The following NAPRT variants were observed in gnomAD, a reference collection of about 807,000 sequenced individuals.
NAPRT encodes nicotinate phosphoribosyltransferase.
In NAPRT, 66 loss-of-function variants were observed where a neutral mutation model predicts 60.7. That is an observed-to-expected ratio of 1.09 (90% CI 0.89 to 1.33). The LOEUF (loss-of-function observed/expected upper bound fraction) is 1.33, where lower values mean the gene tolerates loss of function less well. Among genes scored for constraint, NAPRT ranks in the 40% most tolerant of loss-of-function variants. The probability of loss-of-function intolerance (pLI) is 0.00; values close to 1 mark genes in which losing one functional copy is unlikely to be tolerated. For synonymous variants in NAPRT, 405 were observed against 335.7 expected (o/e 1.21, Z -2.26); for missense variants, 818 against 731.5 (o/e 1.12, Z -1.36).
Position 143,574,805 on chromosome 8 carries a change from T to G in NAPRT, c.*33A>C, listed in dbSNP as rs547693777. On this transcript the variant is annotated 3_prime_UTR_variant, in exon 13 of 13. Transcript: ENST00000449291. Reference sequence around the variant, plus strand: ...CAAGCTGTGGGGAAAAGTGAGTGATTCGTGTTGTTTCCAGTCAGCCCCGCT... The same window carrying G: ...CAAGCTGTGGGGAAAAGTGAGTGATGCGTGTTGTTTCCAGTCAGCCCCGCT... 5 of 1,550,110 alleles carry G rather than the reference T, an allele frequency of 3.2e-6. No individual in the cohort carries two copies. Among genetic ancestry groups the G allele is most frequent in the Admixed American group, 3.9e-5 (2 of 51,002 alleles).
intron 3 of NAPRT, 125 bp from the exon 4 acceptor site, chr8:143,577,524 C>T (rs1824562003): frequency 6.9e-7 from 1 of 1,452,328 alleles, no homozygotes; most frequent in Non-Finnish European, 9.2e-7. Flanking sequence ...CTCCTTACAC[C>T]CTGAAGAGTG....
Position 143,575,996 on chromosome 8 carries a change from G to A in NAPRT, c.1107+82C>T. The A allele has an allele frequency of 4.3e-6, 5 of 1,173,956 alleles. No individual in the cohort carries two copies. The South Asian group carries it at 7.8e-5, about 18-fold the overall frequency. The allele number at this position is 1,173,956 out of a possible 1,614,324, so 72.7% of individuals were successfully genotyped here. ...TGGCAGTGCCCTGGGCGGGGAAGGAGGTGGCAATGAGCCCAGCCAGAACCT... is the reference window on the plus strand; with the variant it reads ...TGGCAGTGCCCTGGGCGGGGAAGGAAGTGGCAATGAGCCCAGCCAGAACCT... On this transcript the variant is annotated intron_variant, in intron 8 of 12. Coordinates refer to ENST00000449291, the MANE Select transcript of NAPRT (RefSeq NM_145201.6).
rs1457136997 is a variant in NAPRT, at chr8:143,576,572, C to T, written c.882G>A (p.Arg294=). ...QGLLDTYSVW[R]SGLPNFLAVA... ...CTGCTAGGAAGTTGGGGAGACCACT[C>T]CTGCAGAAATAGATAAGGGAGTCAG... is the stretch of plus-strand genomic sequence containing the variant. Residue 294 remains arginine (R), a splice_region_variant and synonymous_variant, in exon 7 of 13, where the codon AGG becomes AGA. Transcript: ENST00000449291. 2 of 1,610,712 alleles carry T rather than the reference C, an allele frequency of 1.2e-6. No individual in the cohort carries two copies. The highest frequency in any genetic ancestry group is 1.7e-6 in the Non-Finnish European group (2 of 1,179,012).
rs771744849 is a variant in NAPRT, at chr8:143,576,150, G to C, written c.1035C>G (p.Pro345=). 4.4e-6 allele frequency: 7 copies of C among 1,600,764 alleles called. No homozygotes were observed. The highest frequency in any genetic ancestry group is 6.0e-6 in the Non-Finnish European group (7 of 1,171,738). ...FRAAAAQFQV[P]WLESVLIVVS... is the part of the protein sequence containing the mutation. ...CTACGATGAGGACTGACTCCAGCCA[G>C]GGCACCTGGAACCTGCCGCGTGGGT... The change falls in exon 8 of 13, where the codon CCC becomes CCG. Residue 345 remains proline, a synonymous_variant. Transcript: ENST00000449291.
rs750628307 is a variant in NAPRT at position 143,577,219 on chromosome 8, A to T, written c.569-42T>A. The T allele has an allele frequency of 2.5e-6, 4 of 1,604,948 alleles. No individual in the cohort carries two copies. In the East Asian group the frequency reaches 9.0e-5, roughly 36 times the overall value. ...TGGGATTGGGGGACCTCGGGCCAAG[A>T]TGGGGCTCCTCCTTCCCGGCCCTTG... On this transcript the variant is annotated intron_variant, in intron 4 of 12. Transcript: ENST00000449291.
chr8:143,577,580 G>T, intron 3 of NAPRT, 77 bp downstream of exon 3: 1 of 1,508,208 alleles, frequency 6.6e-7, no homozygotes, highest in African/African-American at 1.4e-5. Context: ...CAGCCCCGCC[G>T]CCACAGTCCA....
In NAPRT at chr8:143,574,832, C is replaced by T. The variant is rs190345767; in HGVS notation, c.*6G>A. 7.1e-4 allele frequency: 1,099 copies of T among 1,550,684 alleles called. 13 individuals carry two copies. The African/African-American group carries it at 0.013, about 19-fold the overall frequency. The stretch of plus-strand genomic sequence containing the variant: ...GTGTTGTTTCCAGTCAGCCCCGCTC[C>T]GAGTCTCAGGGGGACTGCCCCGCAC... On this transcript the variant is annotated 3_prime_UTR_variant, in exon 13 of 13. Transcript: ENST00000449291.
intron 3 of NAPRT, 118 bp downstream of exon 3, chr8:143,577,539 C>T: frequency 4.1e-6 from 6 of 1,448,826 alleles, no homozygotes; most frequent in South Asian, 2.5e-5. Context: ...AGAGTGGGGG[C>T]GGGAGGCCAG....
At chr8:143,574,693 G>A (rs1270240517), downstream of NAPRT, 4 of 920,606 alleles carry the variant, frequency 4.3e-6, no homozygotes, top group South Asian at 3.0e-5. Flanking sequence ...CTGCTACCTC[G>A]AGCTCAGATT....
Position 143,575,178 on chromosome 8 carries a change from G to A in NAPRT, c.1446+13C>T. On this transcript the variant is annotated intron_variant, in intron 11 of 12. Transcript: ENST00000449291. The stretch of plus-strand genomic sequence containing the variant: ...GGGGCTGGGGGTCAGGATGAGGGCG[G>A]TGGGGCAGCCACCTGTCCCTGCTGG... 6.2e-7 allele frequency: 1 copy of A among 1,601,316 alleles called. No homozygotes were observed. Among genetic ancestry groups the A allele is most frequent in the Non-Finnish European group, 8.5e-7 (1 of 1,174,416 alleles).
At chr8:143,576,266 C>T (rs1824448008) in intron 7 of NAPRT, 104 bp from the exon 8 acceptor site, 6 of 1,382,006 alleles carry the variant, frequency 4.3e-6, no homozygotes, top group Non-Finnish European at 5.9e-6. Context: ...GACACCTGTG[C>T]TCACCTTCTG....
chr8:143,575,185 A>T lies in NAPRT; in HGVS notation c.1446+6T>A. 6.2e-7 allele frequency: 1 copy of T among 1,604,500 alleles called. No individual in the cohort carries two copies. The highest frequency in any genetic ancestry group is 8.5e-7 in the Non-Finnish European group (1 of 1,175,978). ...GGGGTCAGGATGAGGGCGGTGGGGC[A>T]GCCACCTGTCCCTGCTGGAGGCAGA... On this transcript the variant is annotated splice_donor_region_variant and intron_variant, in intron 11 of 12. Transcript: ENST00000449291.
chr8:143,577,977 G>A, intron 1 of NAPRT, 34 bp from the exon 2 acceptor site: 5 of 1,593,168 alleles, frequency 3.1e-6, no homozygotes, highest in Non-Finnish European at 4.3e-6. Flanking sequence ...AGACCAGCGC[G>A]GGGACAGACC....
downstream of NAPRT, chr8:143,574,559 G>C: frequency 1.7e-6 from 1 of 589,718 alleles, no homozygotes; most frequent in Admixed American, 3.0e-5. Flanking sequence ...TGTAGTTCTA[G>C]TGTGGGATCT....
chr8:143,577,253 C>T lies in NAPRT; in HGVS notation c.568+16G>A, dbSNP rs996824197. 5 of 1,607,718 alleles carry T rather than the reference C, an allele frequency of 3.1e-6. No homozygotes were observed. Among genetic ancestry groups the T allele is most frequent in the South Asian group, 1.1e-5 (1 of 90,624 alleles). On this transcript the variant is annotated intron_variant, in intron 4 of 12. Transcript: ENST00000449291. ...CTCCTTCCCGGCCCTTGCCTTGCCC[C>T]GCACCAGACACTCACCGCCCAGGTA...
chr8:143,578,259 G>C lies in NAPRT; in HGVS notation c.60C>G (p.Leu20=). 1 of 1,454,476 alleles carries C rather than the reference G, an allele frequency of 6.9e-7. No homozygotes were observed. Among genetic ancestry groups the C allele is most frequent in the Non-Finnish European group, 9.0e-7 (1 of 1,109,882 alleles). The allele number at this position is 1,454,476 out of a possible 1,614,324, so 90.1% of individuals were successfully genotyped here. A position where few individuals can be genotyped will look rare whatever the true frequency, so the allele number is the denominator to read the frequency against. The change falls in exon 1 of 13, where the codon CTC becomes CTG. Residue 20 remains leucine (L), a synonymous_variant. Transcript: ENST00000449291. ...RAAARPLLTD[L]YQATMALGYW... is the part of the protein sequence containing the mutation. The stretch of plus-strand genomic sequence containing the variant: ...AGCCCAACGCCATGGTGGCCTGGTA[G>C]AGGTCAGTGAGCAGCGGCCGCGCCG...
In NAPRT at chr8:143,575,050, G is replaced by A; in HGVS notation, c.1490C>T (p.Ala497Val). 1 of 1,507,946 alleles carries A rather than the reference G, an allele frequency of 6.6e-7. No homozygotes were observed. The highest frequency in any genetic ancestry group is 8.9e-7 in the Non-Finnish European group (1 of 1,123,432). 93.4% of individuals were successfully genotyped at this position (1,507,946 alleles called of 1,614,324 possible). A position where few individuals can be genotyped will look rare whatever the true frequency, so the allele number is the denominator to read the frequency against. The change falls in exon 12 of 13, where the codon GCC (alanine) becomes GTC (valine). Residue 497 changes from alanine (A) to valine (V), a missense_variant. Coordinates refer to ENST00000449291, the MANE Select transcript of NAPRT (RefSeq NM_145201.6). ...LPSLAESRAL[A>V]QLSLSRLSPE... is the part of the protein sequence containing the mutation. ...GCTGAGTCGGCTCAGGGACAGCTGG[G>A]CCAAGGCTCTAGACTCTGCCAGGGA... is the stretch of plus-strand genomic sequence containing the variant.
At position 143,576,661 on chromosome 8, in the gene NAPRT, G is replaced by A. The variant is rs143378632; in HGVS notation, c.866C>T (p.Thr289Ile). 2 of 1,611,084 alleles carry A rather than the reference G, an allele frequency of 1.2e-6. No homozygotes were observed. Among genetic ancestry groups the A allele is most frequent in the African/African-American group, 2.7e-5 (2 of 74,896 alleles). The change falls in exon 6 of 13, where the codon ACC (threonine) becomes ATC (isoleucine). Residue 289 changes from threonine (T) to isoleucine (I), a missense_variant. Thr to Ile is a moderately conservative substitution (Grantham distance 89, BLOSUM62 -1). Coordinates refer to ENST00000449291, the MANE Select transcript of NAPRT (RefSeq NM_145201.6). ...FPRAFQGLLD[T>I]YSVWRSGLPN... Reference sequence around the variant, plus strand: ...CCGGGCTCACCTCCACACGCTGTAGGTGTCCAGGAGGCCCTGGAAGGCCCG... The same window carrying A: ...CCGGGCTCACCTCCACACGCTGTAGATGTCCAGGAGGCCCTGGAAGGCCCG...
Position 143,575,329 on chromosome 8 carries a change from G to A in NAPRT, c.1308C>T (p.Asp436=), listed in dbSNP as rs1475145165. 2 of 1,612,590 alleles carry A rather than the reference G, an allele frequency of 1.2e-6. No homozygotes were observed. The highest frequency in any genetic ancestry group is 1.7e-6 in the Non-Finnish European group (2 of 1,179,812). Residue 436 remains aspartate (D), a synonymous_variant, in exon 11 of 13, where the codon GAC becomes GAT. Transcript: ENST00000449291. ...LLGSDGSPLM[D]MLQLAEEPVP... ...CTGGCTCTTCTGCTAACTGCAGCAT[G>A]TCCATGAGTGGAGACCCTGTGTGGA...
Sources: gnomAD v4.1 joint callset for allele counts on GRCh38, gnomAD v4.1.1 for gene constraint, MANE v1.5 for transcripts, NCBI Gene and HGNC (gene_info 2026-07-23, HGNC 2026-07-21) for gene names.